Variants in PCDH15 observed in about 807,000 individuals in gnomAD.
PCDH15 encodes the protein protocadherin related 15.
In PCDH15, 129 loss-of-function variants were observed where a neutral mutation model predicts 178.5. The ratio of observed to expected loss-of-function variants is 0.72; its 90% CI spans 0.63 to 0.84. The LOEUF (loss-of-function observed/expected upper bound fraction) is 0.84. Among genes scored for constraint, PCDH15 ranks in the 40% least tolerant of loss-of-function variants. The pLI is 0.00. For missense variants in PCDH15, 2,230 were observed against 2,099.9 expected, an observed-to-expected ratio of 1.06 and a Z score of -1.21; for synonymous variants, 800 against 732.0, an observed-to-expected ratio of 1.09 and a Z score of -1.50.
chr10:55,529,169 C>G (rs953665053), intron 2 of PCDH15, among the ~76,000 whole-genome samples: 6 of 152,150 alleles, frequency 3.9e-5, no homozygotes, highest in East Asian at 1.9e-4. Flanking sequence ...TTCTCCCATT[C>G]TGTAGGTTTC....
chr10:53,934,830 A>T (rs76413810), intron 25 of PCDH15, among the ~76,000 whole-genome samples: 1,713 of 152,142 alleles, frequency 0.011, 38 homozygotes, highest in African/African-American at 0.039. Flanking sequence ...ATAAGTTCCA[A>T]TAACGCCTGG....
intron 8 of PCDH15, among the ~76,000 whole-genome samples, chr10:54,239,958 A>T (rs1447509868): frequency 6.6e-6 from 1 of 152,128 alleles, no homozygotes; most frequent in Non-Finnish European, 1.5e-5. Flanking sequence ...ACATTAAAGA[A>T]TACTAAAAAT....
intron 2 of PCDH15, among the ~76,000 whole-genome samples, chr10:55,105,560 A>G (rs1842655850): frequency 6.6e-6 from 1 of 152,292 alleles, no homozygotes; most frequent in East Asian, 1.9e-4. Flanking sequence ...ATTTAATATT[A>G]CAGGAGGAGG....
At chr10:55,373,069 A>G (rs1845545376) in intron 2 of PCDH15, among the ~76,000 whole-genome samples, 2 of 152,176 alleles carry the variant, frequency 1.3e-5, no homozygotes. Context: ...TTAGTCCAGC[A>G]AGAACCAAAG....
At chr10:54,343,106 T>G (rs980657508) in intron 6 of PCDH15, among the ~76,000 whole-genome samples, 4 of 152,182 alleles carry the variant, frequency 2.6e-5, no homozygotes, top group Admixed American at 2.0e-4. Flanking sequence ...AAGGCATGAT[T>G]GGTTCTGAAA....
At chr10:54,815,812 G>A (rs1952938065) in intron 3 of PCDH15, among the ~76,000 whole-genome samples, 2 of 152,004 alleles carry the variant, frequency 1.3e-5, no homozygotes, top group Admixed American at 1.3e-4. Context: ...CTTGCAAACA[G>A]ATGATAAACA....
intron 2 of PCDH15, chr10:54,605,981 G>T (rs1380425083): frequency 6.6e-6 from 1 of 152,116 alleles, no homozygotes; most frequent in African/African-American, 2.4e-5. Context: ...GCAAGTGGGA[G>T]AATTTGTGGA....
intron 1 of PCDH15, among the ~76,000 whole-genome samples, chr10:54,755,109 T>G (rs1946894812): frequency 6.6e-6 from 1 of 152,118 alleles, no homozygotes. Context: ...ATTTTGTATT[T>G]TCAGTAGAGA....
At chr10:53,979,121 C>T (rs1313201877) in intron 21 of PCDH15, among the ~76,000 whole-genome samples, 1 of 152,076 alleles carries the variant, frequency 6.6e-6, no homozygotes, top group African/African-American at 2.4e-5. Context: ...TGTATTAATC[C>T]GTTCTCACAC....
rs149893426 is a variant in PCDH15 at position 54,534,856 on chromosome 10, G to A, written c.92-6979C>T. 6.8e-3 allele frequency among the ~76,000 whole-genome samples: 1,040 copies of A among 152,240 alleles called. 14 individuals are homozygous for A. Among genetic ancestry groups the A allele is most frequent in the African/African-American group, 0.024 (978 of 41,534 alleles). ...CACACAGGAGTGAAATCTTAAGACA[G>A]ATACTACTTATTTTACATTTTGACT... is the stretch of plus-strand genomic sequence containing the variant. On this transcript the variant is annotated intron_variant, in intron 2 of 37. Transcript: ENST00000644397.
At chr10:54,020,118 G>T in intron 20 of PCDH15, 74 bp downstream of exon 20, 2 of 1,226,464 alleles carry the variant, frequency 1.6e-6, no homozygotes, top group Non-Finnish European at 2.4e-6. Context: ...ACATATTATA[G>T]GTATAATAGA....
At chr10:55,292,522 C>T (rs1368102667) in intron 1 of PCDH15, among the ~76,000 whole-genome samples, 1 of 152,040 alleles carries the variant, frequency 6.6e-6, no homozygotes, top group Non-Finnish European at 1.5e-5. Context: ...GCTGATATAA[C>T]AGGTGCTCGC....
intron 1 of PCDH15, among the ~76,000 whole-genome samples, chr10:55,205,511 A>G (rs997592212): frequency 6.6e-6 from 1 of 151,910 alleles, no homozygotes; most frequent in Non-Finnish European, 1.5e-5. Flanking sequence ...ATTAGTTAAT[A>G]GTCTGTTGAA....
At chr10:53,844,389 C>A (rs926410337) in intron 28 of PCDH15, among the ~76,000 whole-genome samples, 1 of 151,814 alleles carries the variant, frequency 6.6e-6, no homozygotes, top group African/African-American at 2.4e-5. Flanking sequence ...AGACACAACC[C>A]AATCCATGAC....
At chr10:55,304,259 T>G (rs1220637733) in intron 1 of PCDH15, among the ~76,000 whole-genome samples, 1 of 152,106 alleles carries the variant, frequency 6.6e-6, no homozygotes, top group African/African-American at 2.4e-5. Flanking sequence ...AATAATAGGT[T>G]TTTGGGAGGT....
At chr10:54,658,051 C>T (rs1330569711) in intron 2 of PCDH15, among the ~76,000 whole-genome samples, 4 of 152,010 alleles carry the variant, frequency 2.6e-5, no homozygotes, top group Non-Finnish European at 5.9e-5. Context: ...CATTCAGAAG[C>T]CTGGTTTTTT....
intron 26 of PCDH15, among the ~76,000 whole-genome samples, chr10:53,881,046 CATAT>C (rs60507605): frequency 0.021 from 3,253 of 152,164 alleles, 119 homozygotes; most frequent in African/African-American, 0.074. Flanking sequence ...CACATGCACA[CATAT>C]ATAGTTATTT....
At chr10:55,124,839 G>A (rs568611624) in intron 2 of PCDH15, among the ~76,000 whole-genome samples, 4 of 152,138 alleles carry the variant, frequency 2.6e-5, no homozygotes, top group Non-Finnish European at 5.9e-5. Flanking sequence ...CAACTGACAG[G>A]TGTAAAAACT....
chr10:55,082,516 A>C (rs184725240), intron 2 of PCDH15, among the ~76,000 whole-genome samples: 15 of 151,728 alleles, frequency 9.9e-5, no homozygotes, highest in Admixed American at 7.9e-4. Flanking sequence ...GAAAAGCAAA[A>C]CCAAACCAAA....
Sources: gnomAD v4.1 joint callset for allele counts (sites outside exome capture counted in the v4.1 genomes callset) on GRCh38, gnomAD v4.1.1 for gene constraint, MANE v1.5 for transcripts, NCBI Gene and HGNC (gene_info 2026-07-23, HGNC 2026-07-21) for gene names.